ATF7: variants seen among roughly 807,000 people sequenced by gnomAD.
The protein encoded by ATF7 is cyclic AMP-dependent transcription factor ATF-7.
In ATF7, 10 loss-of-function variants were observed where a neutral mutation model predicts 50.4. The observed-to-expected ratio is 0.20, with a 90% CI of 0.12 to 0.34. ATF7 has a LOEUF of 0.34. ATF7 is among the 10% of genes least tolerant of loss of function. The pLI is 1.00. For synonymous variants in ATF7, 201 were observed against 226.4 expected (o/e 0.89, Z 1.01); for missense variants, 465 against 613.9 (o/e 0.76, Z 2.56).
At chr12:53,549,996 G>T (rs1940225723) in intron 3 of ATF7, among the ~76,000 whole-genome samples, 1 of 152,090 alleles carries the variant, frequency 6.6e-6, no homozygotes, top group African/African-American at 2.4e-5. Context: ...GAAATTACAG[G>T]CGTGAGCCAC....
intron 1 of ATF7, among the ~76,000 whole-genome samples, chr12:53,611,512 C>G (rs577036829): frequency 6.6e-6 from 1 of 152,282 alleles, no homozygotes; most frequent in South Asian, 2.1e-4. Flanking sequence ...GATGAGTTAG[C>G]AAACTTCAAC....
At chr12:53,544,897 A>G (rs1939800264) in intron 3 of ATF7, among the ~76,000 whole-genome samples, 1 of 116,764 alleles carries the variant, frequency 8.6e-6, no homozygotes, top group Non-Finnish European at 1.7e-5. Flanking sequence ...AAAAGTTACC[A>G]CTACTTCTCA....
intron 2 of ATF7, among the ~76,000 whole-genome samples, chr12:53,592,476 A>G (rs1942986210): frequency 6.6e-6 from 1 of 152,252 alleles, no homozygotes; most frequent in African/African-American, 2.4e-5. Flanking sequence ...CAATTCTTCA[A>G]GATGAGATTT....
chr12:53,619,825 A>T (rs1220522538), intron 1 of ATF7, among the ~76,000 whole-genome samples: 1 of 151,642 alleles, frequency 6.6e-6, no homozygotes, highest in East Asian at 1.9e-4. Flanking sequence ...AAAAAAAAAA[A>T]GTTTCCGAAA....
chr12:53,589,881 T>C (rs567726751), intron 2 of ATF7, among the ~76,000 whole-genome samples: 1 of 152,234 alleles, frequency 6.6e-6, no homozygotes, highest in Non-Finnish European at 1.5e-5. Context: ...TTCCAGTGTT[T>C]ATCTGGGCTA....
At chr12:53,579,275 C>T (rs564233028) in intron 2 of ATF7, among the ~76,000 whole-genome samples, 17 of 151,716 alleles carry the variant, frequency 1.1e-4, no homozygotes, top group Admixed American at 5.3e-4. Flanking sequence ...TGGCTCACGC[C>T]TGCAATCCCA....
intron 2 of ATF7, among the ~76,000 whole-genome samples, chr12:53,570,375 G>C (rs946906063): frequency 5.9e-5 from 9 of 152,012 alleles, no homozygotes; most frequent in Non-Finnish European, 1.3e-4. Flanking sequence ...AAATACAAAG[G>C]CCATTAAAAA....
At chr12:53,562,657 T>C (rs79333792) in intron 2 of ATF7, among the ~76,000 whole-genome samples, 2 of 151,964 alleles carry the variant, frequency 1.3e-5, no homozygotes, top group Non-Finnish European at 2.9e-5. Flanking sequence ...AATTTTTTTT[T>C]GCCCATGTGT....
At chr12:53,626,001 G>A (rs1944591400) in intron 1 of ATF7, 2 of 152,244 alleles carry the variant, frequency 1.3e-5, no homozygotes, top group Admixed American at 1.3e-4. Flanking sequence ...CCCCCCAAAG[G>A]AAGGAGGCGG....
At position 53,531,823 on chromosome 12, in the gene ATF7, C is replaced by T; in HGVS notation, c.848G>A (p.Ser283Asn). 6.2e-7 allele frequency: 1 copy of T among 1,613,238 alleles called. No individual in the cohort carries two copies. The highest frequency in any genetic ancestry group is 8.5e-7 in the Non-Finnish European group (1 of 1,179,740). ...CTCTGGGCGGGCTGTCACCATGGTG[C>T]TGGCAGTACCCACCACCATTCCACA... Reference protein sequence around the residue: ...GGCGMVVGTASTMVTARPEQS... With the variant: ...GGCGMVVGTANTMVTARPEQS... The change falls in exon 9 of 12, where the codon AGC becomes AAC. Residue 283 changes from serine (S) to asparagine (N), a missense_variant. Transcript: ENST00000420353.
At chr12:53,533,462 CTT>C (rs1939027871) in intron 6 of ATF7, among the ~76,000 whole-genome samples, 1 of 152,166 alleles carries the variant, frequency 6.6e-6, no homozygotes, top group African/African-American at 2.4e-5. Flanking sequence ...ATGGCAAAAT[CTT>C]TATACTTTGC....
At chr12:53,559,899 C>T (rs1009611996) in intron 2 of ATF7, among the ~76,000 whole-genome samples, 1 of 151,962 alleles carries the variant, frequency 6.6e-6, no homozygotes. Flanking sequence ...CAACTAGTTC[C>T]CTCCTCTTTA....
In ATF7 at chr12:53,513,868, G is replaced by T. The variant is rs1368550628; in HGVS notation, c.*3269C>A. 6.6e-6 allele frequency: 1 copy of T among 152,162 alleles called. No individual in the cohort carries two copies. Among genetic ancestry groups the T allele is most frequent in the South Asian group, 2.1e-4 (1 of 4,832 alleles). 9.4% of individuals were successfully genotyped at this position (152,162 alleles called of 1,614,324 possible). ...TCTACCAGGATGGGTGGTGCTAGAGGGCAGTGAATCAAGAAAGGAGCCAAA... is the reference window on the plus strand; with the variant it reads ...TCTACCAGGATGGGTGGTGCTAGAGTGCAGTGAATCAAGAAAGGAGCCAAA... On this transcript the variant is annotated 3_prime_UTR_variant, in exon 12 of 12. Coordinates refer to ENST00000420353, the MANE Select transcript of ATF7 (RefSeq NM_006856.3).
chr12:53,609,065 G>A (rs778815287), intron 1 of ATF7, among the ~76,000 whole-genome samples: 5 of 152,096 alleles, frequency 3.3e-5, no homozygotes, highest in Non-Finnish European at 5.9e-5. Context: ...AACACTTTAG[G>A]AGGCTGAGGT....
intron 9 of ATF7, among the ~76,000 whole-genome samples, chr12:53,526,189 C>T (rs1938448771): frequency 7.8e-6 from 1 of 127,950 alleles, no homozygotes; most frequent in African/African-American, 2.8e-5. Context: ...GCCTGGATAA[C>T]AAGAGTGAAA....
intron 1 of ATF7, among the ~76,000 whole-genome samples, chr12:53,619,824 A>AG (rs549708888): frequency 8.0e-4 from 121 of 152,052 alleles, no homozygotes; most frequent in African/African-American, 2.3e-3. Context: ...AAAAAAAAAA[A>AG]AGTTTCCGAA....
intron 1 of ATF7, among the ~76,000 whole-genome samples, chr12:53,602,813 T>C (rs920027450): frequency 6.6e-6 from 1 of 152,156 alleles, no homozygotes; most frequent in Non-Finnish European, 1.5e-5. Flanking sequence ...AAATACATGA[T>C]TTTTTTAGCA....
At chr12:53,548,289 G>C (rs1389478587) in intron 3 of ATF7, among the ~76,000 whole-genome samples, 2 of 151,850 alleles carry the variant, frequency 1.3e-5, no homozygotes, top group Non-Finnish European at 2.9e-5. Flanking sequence ...TTACAGGTGT[G>C]AGCCACTGTG....
chr12:53,563,363 C>A (rs1486295318), intron 2 of ATF7, among the ~76,000 whole-genome samples: 1 of 152,110 alleles, frequency 6.6e-6, no homozygotes, highest in African/African-American at 2.4e-5. Flanking sequence ...CACCTGTAAT[C>A]CCAGCACTCT....
Sources: gnomAD v4.1 joint callset for allele counts (sites outside exome capture counted in the v4.1 genomes callset) on GRCh38, gnomAD v4.1.1 for gene constraint, MANE v1.5 for transcripts, NCBI Gene and HGNC (gene_info 2026-07-23, HGNC 2026-07-21) for gene names.